The following ATRN variants were observed in gnomAD, a reference collection of about 807,000 sequenced individuals.
ATRN encodes attractin-2.
Under a neutral mutation model 178.7 loss-of-function variants are expected in ATRN, and 54 were observed. The observed-to-expected ratio is 0.30, with a 90% CI of 0.24 to 0.38. The LOEUF (loss-of-function observed/expected upper bound fraction) is 0.38. Among genes scored for constraint, ATRN ranks in the 10% least tolerant of loss-of-function variants. The pLI is 1.00. For synonymous variants in ATRN, 636 were observed against 663.0 expected, an observed-to-expected ratio of 0.96 and a Z score of 0.63; for missense variants, 1,443 against 1,815.1, an observed-to-expected ratio of 0.79 and a Z score of 3.73.
chr20:3,535,453 GA>G (rs60560655), intron 2 of ATRN, 117 bp downstream of exon 2: 57,442 of 399,886 alleles, frequency 0.14, 4,966 homozygotes, highest in Non-Finnish European at 0.18. Context: ...AACATTACTT[GA>G]TAACCTTTCA....
At chr20:3,478,067 T>C (rs1288198340) in intron 1 of ATRN, among the ~76,000 whole-genome samples, 1 of 152,244 alleles carries the variant, frequency 6.6e-6, no homozygotes, top group Non-Finnish European at 1.5e-5. Context: ...TTTGTTTTTT[T>C]CTGCTCTCAC....
At chr20:3,559,959 C>T (rs1276823162) in intron 7 of ATRN, among the ~76,000 whole-genome samples, 1 of 151,940 alleles carries the variant, frequency 6.6e-6, no homozygotes, top group South Asian at 2.1e-4. Flanking sequence ...TTTTATTTCC[C>T]TTTTCCCTTT....
intron 6 of ATRN, among the ~76,000 whole-genome samples, chr20:3,559,107 A>G (rs2085917512): frequency 6.6e-6 from 1 of 152,212 alleles, no homozygotes; most frequent in Admixed American, 6.5e-5. Context: ...TGCAACCTTT[A>G]AATGATTTAG....
At chr20:3,619,542 T>C (rs190939931) in intron 24 of ATRN, among the ~76,000 whole-genome samples, 1 of 152,372 alleles carries the variant, frequency 6.6e-6, no homozygotes, top group East Asian at 1.9e-4. Flanking sequence ...ATTCAAGTTT[T>C]TGAGTACCTT....
intron 24 of ATRN, among the ~76,000 whole-genome samples, chr20:3,619,269 C>T (rs1177570516): frequency 6.6e-6 from 1 of 152,246 alleles, no homozygotes; most frequent in Non-Finnish European, 1.5e-5. Context: ...GCCCTTTCTG[C>T]AGTCCATGGT....
At chr20:3,613,776 C>A (rs1029463764) in intron 24 of ATRN, among the ~76,000 whole-genome samples, 9 of 151,068 alleles carry the variant, frequency 6.0e-5, no homozygotes, top group African/African-American at 2.2e-4. Flanking sequence ...AATTGAGATT[C>A]TCCTTTTTTA....
At chr20:3,495,884 C>G (rs1294124842) in intron 1 of ATRN, among the ~76,000 whole-genome samples, 1 of 151,570 alleles carries the variant, frequency 6.6e-6, no homozygotes, top group Non-Finnish European at 1.5e-5. Flanking sequence ...ATAAACACAC[C>G]AATGGAATGA....
At chr20:3,492,687 G>A (rs1168166293) in intron 1 of ATRN, among the ~76,000 whole-genome samples, 1 of 151,990 alleles carries the variant, frequency 6.6e-6, no homozygotes. Flanking sequence ...CCAACGTTTT[G>A]CGCATGGGAG....
chr20:3,622,472 T>A (rs1238587220), intron 24 of ATRN, among the ~76,000 whole-genome samples: 1 of 152,216 alleles, frequency 6.6e-6, no homozygotes, highest in Non-Finnish European at 1.5e-5. Flanking sequence ...GTATGTTTGT[T>A]AATCAAGTTT....
In ATRN at chr20:3,634,431, C is replaced by A. The variant is rs1370624662; in HGVS notation, c.3942+42C>A. The A allele has an allele frequency of 3.2e-6, 5 of 1,558,318 alleles. No individual in the cohort carries two copies. In the African/African-American group the frequency reaches 5.5e-5, roughly 17 times the overall value. ...AAAGATTAAAGAATCCCTGGAAGAG[C>A]TTTTTTTCCTTCTTTTTCTCTTAAG... On this transcript the variant is annotated intron_variant, in intron 26 of 28. Coordinates refer to ENST00000262919, the MANE Select transcript of ATRN (RefSeq NM_139321.3).
chr20:3,613,422 G>A (rs2086794045), intron 24 of ATRN, among the ~76,000 whole-genome samples: 1 of 152,114 alleles, frequency 6.6e-6, no homozygotes, highest in African/African-American at 2.4e-5. Context: ...GTCTTCCTGG[G>A]TAAATACATC....
intron 3 of ATRN, among the ~76,000 whole-genome samples, chr20:3,543,658 G>T (rs2085656687): frequency 6.6e-6 from 1 of 151,816 alleles, no homozygotes; most frequent in African/African-American, 2.4e-5. Context: ...CAGGGAGGTG[G>T]AGGTTGCGGT....
chr20:3,542,782 A>G (rs1181231184), intron 3 of ATRN, among the ~76,000 whole-genome samples: 1 of 148,996 alleles, frequency 6.7e-6, no homozygotes, highest in Non-Finnish European at 1.5e-5. Flanking sequence ...ATGCAACACT[A>G]TGCCCAGCTA....
intron 25 of ATRN, among the ~76,000 whole-genome samples, chr20:3,626,100 C>T (rs1283527827): frequency 6.6e-6 from 1 of 152,002 alleles, no homozygotes; most frequent in Non-Finnish European, 1.5e-5. Flanking sequence ...GGTGAGGTGG[C>T]GCAAGCCTGT....
At chr20:3,537,503 CATTTTTTTATTTT>C (rs2085553769) in intron 2 of ATRN, among the ~76,000 whole-genome samples, 1 of 143,010 alleles carries the variant, frequency 7.0e-6, no homozygotes, top group Non-Finnish European at 1.5e-5. Context: ...TTTTTTTTTA[CATTTTTTTATTTT>C]ATTTTTTTAT....
At chr20:3,491,552 C>T (rs2084794252) in intron 1 of ATRN, among the ~76,000 whole-genome samples, 1 of 152,212 alleles carries the variant, frequency 6.6e-6, no homozygotes, top group Non-Finnish European at 1.5e-5. Context: ...TGCATCTGCA[C>T]TCAATCGTCT....
chr20:3,538,048 C>A (rs936866343), intron 2 of ATRN, among the ~76,000 whole-genome samples: 1 of 150,868 alleles, frequency 6.6e-6, no homozygotes, highest in Non-Finnish European at 1.5e-5. Flanking sequence ...TGCTGGTGCA[C>A]TGCACCCACT....
intron 15 of ATRN, 30 bp downstream of exon 15, chr20:3,578,802 C>G: frequency 6.3e-7 from 1 of 1,589,262 alleles, no homozygotes; most frequent in Non-Finnish European, 8.6e-7. Context: ...ACTTAAGTTT[C>G]TGGTTATCCA....
chr20:3,490,764 T>C (rs994705326), intron 1 of ATRN: 22 of 790,128 alleles, frequency 2.8e-5, no homozygotes, highest in Non-Finnish European at 4.2e-5. Flanking sequence ...GAGTCTATTA[T>C]AGAATTCAGC....
Sources: gnomAD v4.1 joint callset for allele counts (sites outside exome capture counted in the v4.1 genomes callset) on GRCh38, gnomAD v4.1.1 for gene constraint, MANE v1.5 for transcripts, NCBI Gene and HGNC (gene_info 2026-07-23, HGNC 2026-07-21) for gene names.